CAV3: variants seen among roughly 807,000 people sequenced by gnomAD.
The protein encoded by CAV3 is caveolin 3.
In CAV3, 10 loss-of-function variants were observed where a neutral mutation model predicts 13.4. That is an observed-to-expected ratio of 0.75 (90% confidence interval 0.46 to 1.27). The LOEUF (loss-of-function observed/expected upper bound fraction) is 1.27, where lower values mean the gene tolerates loss of function less well. CAV3 is among the 50% of genes most tolerant of loss of function. CAV3 has a pLI of 0.00. For missense variants in CAV3, 162 were observed against 194.0 expected (o/e 0.83, Z 0.98); for synonymous variants, 90 against 79.0 (o/e 1.14, Z -0.74).
At chr3:8,738,753 G>T (rs556578922) in intron 1 of CAV3, among the ~76,000 whole-genome samples, 1 of 152,330 alleles carries the variant, frequency 6.6e-6, no homozygotes, top group South Asian at 2.1e-4. Flanking sequence ...GTTGGCAAAC[G>T]TAAGAGGCTG....
intron 1 of CAV3, among the ~76,000 whole-genome samples, chr3:8,744,407 T>C (rs1000454283): frequency 1.3e-5 from 2 of 150,504 alleles, no homozygotes; most frequent in Admixed American, 1.3e-4. Context: ...GCCTCCCAAG[T>C]AGCTGGGACT....
At chr3:8,734,408 A>G (rs1233797066) in intron 1 of CAV3, among the ~76,000 whole-genome samples, 2 of 152,168 alleles carry the variant, frequency 1.3e-5, no homozygotes, top group Non-Finnish European at 2.9e-5. Flanking sequence ...TAATCCCCAG[A>G]GGGCAGCTTC....
At chr3:8,743,896 T>C (rs1457500244) in intron 1 of CAV3, among the ~76,000 whole-genome samples, 3 of 152,196 alleles carry the variant, frequency 2.0e-5, no homozygotes, top group African/African-American at 4.8e-5. Flanking sequence ...TTCTATTCTG[T>C]TAATTCTCTG....
At position 8,734,155 on chromosome 3, in the gene CAV3, A is replaced by G. The variant is rs181671046; in HGVS notation, c.114+165A>G. 2.0e-3 allele frequency among the ~76,000 whole-genome samples: 303 copies of G among 151,820 alleles called. 1 individual carries two copies. The highest frequency in any genetic ancestry group is 6.9e-3 in the African/African-American group (286 of 41,380). On this transcript the variant is annotated intron_variant, in intron 1 of 1. Transcript: ENST00000343849. ...CCAACCCCACCCCACCCCCAAAAAA[A>G]GGCTTCTAAATCACCGAAGGATCTT...
intron 1 of CAV3, among the ~76,000 whole-genome samples, chr3:8,735,940 G>A (rs924231977): frequency 6.6e-6 from 1 of 152,144 alleles, no homozygotes; most frequent in African/African-American, 2.4e-5. Flanking sequence ...CTCCACCACA[G>A]CTCTTCTTAT....
At chr3:8,740,463 T>C (rs542195228) in intron 1 of CAV3, among the ~76,000 whole-genome samples, 2 of 152,254 alleles carry the variant, frequency 1.3e-5, no homozygotes, top group South Asian at 2.1e-4. Flanking sequence ...AAGGCAGAGA[T>C]TGAGAGAGCA....
chr3:8,736,594 C>A (rs140132662), intron 1 of CAV3, among the ~76,000 whole-genome samples: 1 of 152,186 alleles, frequency 6.6e-6, no homozygotes, highest in African/African-American at 2.4e-5. Flanking sequence ...CAGAGGGAGC[C>A]CTTGGATCCC....
intron 1 of CAV3, among the ~76,000 whole-genome samples, chr3:8,737,609 G>T (rs1003207246): frequency 4.6e-5 from 7 of 152,144 alleles, no homozygotes; most frequent in African/African-American, 9.7e-5. Context: ...GGAGATTGTA[G>T]CTGAGGAACT....
At chr3:8,734,076 GAC>G (rs1363490164) in intron 1 of CAV3, 86 bp downstream of exon 1, 3 of 763,152 alleles carry the variant, frequency 3.9e-6, no homozygotes, top group African/African-American at 3.4e-5. Context: ...ATCTGCTGCA[GAC>G]ACAGTTTCCC....
intron 1 of CAV3, among the ~76,000 whole-genome samples, chr3:8,739,718 C>A (rs1707889487): frequency 6.6e-6 from 1 of 152,112 alleles, no homozygotes; most frequent in Admixed American, 6.5e-5. Flanking sequence ...CCAGAGTTAT[C>A]CCTTGTTTTC....
In CAV3 at chr3:8,746,143, C is replaced by A; in HGVS notation, c.*276C>A. ...AAGAGGCAGCTACTGCAAGTCTTTG[C>A]GTTCACTTGTACTGTAACAACATAA... On this transcript the variant is annotated 3_prime_UTR_variant, in exon 2 of 2. Transcript: ENST00000343849. 1 of 436,168 alleles carries A rather than the reference C, an allele frequency of 2.3e-6. No homozygotes were observed. Among genetic ancestry groups the A allele is most frequent in the Admixed American group, 3.6e-5 (1 of 27,620 alleles). The allele number at this position is 436,168 out of a possible 1,614,324, so 27.0% of individuals were successfully genotyped here.
intron 1 of CAV3, among the ~76,000 whole-genome samples, chr3:8,739,834 G>A (rs237873): frequency 0.31 from 46,825 of 152,020 alleles, 7,295 homozygotes; most frequent in African/African-American, 0.39. Flanking sequence ...TTCTGTGGGT[G>A]GGCAGGGCTC....
chr3:8,745,779 T>G lies in CAV3; in HGVS notation c.368T>G (p.Leu123Arg). Residue 123 changes from leucine (L) to arginine (R), a missense_variant, in exon 2 of 2, where the codon CTC (leucine) becomes CGC (arginine). Transcript: ENST00000343849. This position sits in a 1 kb window ranked among gnomAD's most constrained non-coding sequence, Gnocchi z 4.8. ...CAGTGCATCAGCCACATCTACTCACTCTGCATCCGCACCTTCTGCAACCCA... is the reference window on the plus strand; with the variant it reads ...CAGTGCATCAGCCACATCTACTCACGCTGCATCCGCACCTTCTGCAACCCA... ...EIQCISHIYS[L>R]CIRTFCNPLF... 6.2e-7 allele frequency: 1 copy of G among 1,614,032 alleles called. No homozygotes were observed. The highest frequency in any genetic ancestry group is 1.1e-5 in the South Asian group (1 of 91,084).
intron 1 of CAV3, among the ~76,000 whole-genome samples, chr3:8,741,507 C>G (rs529770080): frequency 6.6e-6 from 1 of 152,242 alleles, no homozygotes; most frequent in South Asian, 2.1e-4. Flanking sequence ...CGTGTCATTA[C>G]AGATCTTGGC....
chr3:8,733,904 G>A lies in CAV3; in HGVS notation c.28G>A (p.Glu10Lys), dbSNP rs139786391. The A allele has an allele frequency of 1.9e-5, 30 of 1,612,942 alleles. No individual in the cohort carries two copies. The African/African-American group carries it at 1.9e-4, about 10-fold the overall frequency. The part of the protein sequence containing the change: MMAEEHTDL[E>K]AQIVKDIHCK... The stretch of plus-strand genomic sequence containing the variant: ...GATGGCAGAAGAGCACACAGATCTC[G>A]AGGCCCAGATCGTCAAGGATATCCA... Residue 10 changes from glutamate to lysine, a missense_variant, in exon 1 of 2, where the codon GAG becomes AAG. Transcript: ENST00000343849.
chr3:8,738,048 C>T, intron 1 of CAV3, among the ~76,000 whole-genome samples: 1 of 64,224 alleles, frequency 1.6e-5, no homozygotes, highest in East Asian at 3.0e-4. Context: ...TTCTCTCTCT[C>T]TCTCTCTCCT....
intron 1 of CAV3, among the ~76,000 whole-genome samples, chr3:8,735,872 A>G (rs1707735461): frequency 6.6e-6 from 1 of 151,750 alleles, no homozygotes; most frequent in Non-Finnish European, 1.5e-5. Flanking sequence ...GCCTTCCCTG[A>G]CTCCTCCAGG....
Position 8,745,883 on chromosome 3 carries a change from C to G in CAV3, c.*16C>G. 6.2e-7 allele frequency: 1 copy of G among 1,602,060 alleles called. No individual in the cohort carries two copies. Among genetic ancestry groups the G allele is most frequent in the Non-Finnish European group, 8.5e-7 (1 of 1,173,764 alleles). ...GGAGGTCTAAAGCCAGGTGGGGCAA[C>G]AGCGGTGGCAGGGCAGGGGGTGGTG... On this transcript the variant is annotated 3_prime_UTR_variant, in exon 2 of 2. Coordinates refer to ENST00000343849, the MANE Select transcript of CAV3 (RefSeq NM_033337.3). This position sits in a 1 kb window ranked among gnomAD's most constrained non-coding sequence, Gnocchi z 4.8.
intron 1 of CAV3, among the ~76,000 whole-genome samples, chr3:8,737,738 T>C (rs1707808282): frequency 1.3e-5 from 2 of 152,176 alleles, no homozygotes; most frequent in Admixed American, 1.3e-4. Flanking sequence ...GACGTAGTGA[T>C]GAGCAGGACA....
Sources: allele counts gnomAD v4.1 joint callset (sites outside exome capture counted in the v4.1 genomes callset), GRCh38; gene constraint gnomAD v4.1.1; non-coding constraint Gnocchi (gnomAD v3.1); transcripts MANE v1.5; gene names NCBI Gene and HGNC (gene_info 2026-07-23, HGNC 2026-07-21).